Variants in IGFBP7 observed in about 807,000 individuals in gnomAD.
IGFBP7 encodes insulin-like growth factor-binding protein 7.
In IGFBP7, 31 loss-of-function variants were observed where a neutral mutation model predicts 29.4. That is an observed-to-expected ratio of 1.05 (90% CI 0.79 to 1.42). IGFBP7 has a LOEUF of 1.42. IGFBP7 is among the 40% of genes most tolerant of loss of function. The pLI, the probability that IGFBP7 is intolerant of heterozygous loss-of-function variation, is 0.00. For missense variants in IGFBP7, 393 were observed against 395.5 expected (o/e 0.99, Z 0.05); for synonymous variants, 172 against 174.9 (o/e 0.98, Z 0.13).
chr4:57,101,510 C>T (rs1725896311), intron 1 of IGFBP7, among the ~76,000 whole-genome samples: 1 of 152,162 alleles, frequency 6.6e-6, no homozygotes, highest in South Asian at 2.1e-4. Flanking sequence ...CTGTTAGCTC[C>T]AGCTGTTTCT....
intron 1 of IGFBP7, among the ~76,000 whole-genome samples, chr4:57,061,072 T>A (rs1345016599): frequency 1.3e-5 from 2 of 151,158 alleles, no homozygotes; most frequent in Non-Finnish European, 3.0e-5. Flanking sequence ...ACAAAAAAAA[T>A]TCTTACTGAG....
chr4:57,089,173 A>G (rs559649115), intron 1 of IGFBP7, among the ~76,000 whole-genome samples: 5 of 152,338 alleles, frequency 3.3e-5, no homozygotes, highest in Admixed American at 6.5e-5. Context: ...AAGCTTAAAA[A>G]CACTACAATA....
chr4:57,081,951 G>A (rs1213088069), intron 1 of IGFBP7, among the ~76,000 whole-genome samples: 1 of 152,124 alleles, frequency 6.6e-6, no homozygotes, highest in Non-Finnish European at 1.5e-5. Flanking sequence ...TGTGTAAACA[G>A]TTTGCATCCA....
chr4:57,052,610 G>A (rs1209993794), intron 1 of IGFBP7, among the ~76,000 whole-genome samples: 1 of 152,078 alleles, frequency 6.6e-6, no homozygotes, highest in African/African-American at 2.4e-5. Flanking sequence ...CCCACCCCAG[G>A]TAAAGCAGAT....
At chr4:57,034,334 CT>C (rs1247760261) in intron 2 of IGFBP7, among the ~76,000 whole-genome samples, 3 of 151,694 alleles carry the variant, frequency 2.0e-5, no homozygotes, top group African/African-American at 7.3e-5. Flanking sequence ...TATTTTAAGC[CT>C]TGTGATAATG....
chr4:57,052,740 G>C (rs1477416275), intron 1 of IGFBP7, among the ~76,000 whole-genome samples: 2 of 152,184 alleles, frequency 1.3e-5, no homozygotes, highest in Admixed American at 6.5e-5. Flanking sequence ...CTTGTGAGTT[G>C]AGTTCCTGGC....
At chr4:57,069,511 T>C (rs1725007169) in intron 1 of IGFBP7, among the ~76,000 whole-genome samples, 1 of 152,124 alleles carries the variant, frequency 6.6e-6, no homozygotes, top group African/African-American at 2.4e-5. Flanking sequence ...TTTCCTTAGA[T>C]GGTCTGTCCT....
rs148351566 is a variant in IGFBP7, at chr4:57,077,719, A to G, written c.475+32158T>C. ...TCAGTCTTCAGGAATGTAACAGGAA[A>G]TGAAATGCAAAGGGAACAGAACTGC... On this transcript the variant is annotated intron_variant, in intron 1 of 4. Coordinates refer to ENST00000295666, the MANE Select transcript of IGFBP7 (RefSeq NM_001553.3). 2.4e-3 allele frequency among the ~76,000 whole-genome samples: 367 copies of G among 152,364 alleles called. 2 individuals carry two copies. Among genetic ancestry groups the G allele is most frequent in the African/African-American group, 8.6e-3 (358 of 41,580 alleles).
chr4:57,097,706 C>A (rs1353490051), intron 1 of IGFBP7, among the ~76,000 whole-genome samples: 1 of 151,898 alleles, frequency 6.6e-6, no homozygotes, highest in Non-Finnish European at 1.5e-5. Flanking sequence ...ACCTGTCTTG[C>A]AGGTAAAAAA....
chr4:57,099,819 C>A (rs1296153575), intron 1 of IGFBP7, among the ~76,000 whole-genome samples: 1 of 150,002 alleles, frequency 6.7e-6, no homozygotes, highest in Non-Finnish European at 1.5e-5. Context: ...CAGCCTTGAC[C>A]TCCTGGGCTG....
chr4:57,071,931 T>C (rs1044570065), intron 1 of IGFBP7, among the ~76,000 whole-genome samples: 1 of 152,132 alleles, frequency 6.6e-6, no homozygotes, highest in African/African-American at 2.4e-5. Context: ...AGGACAGAAG[T>C]TCGAGACCAG....
chr4:57,074,735 A>G (rs1725179589), intron 1 of IGFBP7, among the ~76,000 whole-genome samples: 2 of 152,246 alleles, frequency 1.3e-5, no homozygotes, highest in Admixed American at 1.3e-4. Flanking sequence ...TCTTTCAATT[A>G]AAAGAAAGAA....
intron 1 of IGFBP7, among the ~76,000 whole-genome samples, chr4:57,087,648 T>C (rs764608178): frequency 6.6e-6 from 1 of 152,122 alleles, no homozygotes; most frequent in Non-Finnish European, 1.5e-5. Flanking sequence ...TATTTGAGAG[T>C]TGTTACTACA....
chr4:57,045,531 G>T (rs1026036536), intron 1 of IGFBP7, among the ~76,000 whole-genome samples: 2 of 152,134 alleles, frequency 1.3e-5, no homozygotes, highest in African/African-American at 4.8e-5. Context: ...GGACCAAACA[G>T]ACCTCTTAGA....
chr4:57,089,179 C>T (rs1578645321), intron 1 of IGFBP7, among the ~76,000 whole-genome samples: 2 of 151,952 alleles, frequency 1.3e-5, no homozygotes, highest in Admixed American at 6.6e-5. Flanking sequence ...AAAAACACTA[C>T]AATAATTAGA....
intron 1 of IGFBP7, among the ~76,000 whole-genome samples, chr4:57,105,970 T>G (rs1308254778): frequency 6.7e-6 from 1 of 149,720 alleles, no homozygotes; most frequent in African/African-American, 2.5e-5. Flanking sequence ...GCAGTGGTGC[T>G]ATCTTGGATC....
At chr4:57,057,309 C>G (rs960250805) in intron 1 of IGFBP7, among the ~76,000 whole-genome samples, 1 of 152,146 alleles carries the variant, frequency 6.6e-6, no homozygotes, top group Non-Finnish European at 1.5e-5. Flanking sequence ...TGCACCCATC[C>G]GTAGATTGGG....
chr4:57,108,495 T>C (rs1213901545), intron 1 of IGFBP7, among the ~76,000 whole-genome samples: 5 of 152,024 alleles, frequency 3.3e-5, no homozygotes. Context: ...AATTTCTATG[T>C]GTGTGTGTAT....
intron 1 of IGFBP7, among the ~76,000 whole-genome samples, chr4:57,045,734 C>CT (rs11423399): frequency 0.4 from 58,458 of 145,162 alleles, 11,848 homozygotes; most frequent in Middle Eastern, 0.54. Context: ...GGAAAAACTC[C>CT]TTTTTTTTTT....
Sources: allele counts gnomAD v4.1 joint callset (sites outside exome capture counted in the v4.1 genomes callset), GRCh38; gene constraint gnomAD v4.1.1; transcripts MANE v1.5; gene names NCBI Gene and HGNC (gene_info 2026-07-23, HGNC 2026-07-21).